The following EXOC4 variants were observed in gnomAD, a reference collection of about 807,000 sequenced individuals.
EXOC4 encodes the protein exocyst complex component 4.
Under a neutral mutation model 107.2 loss-of-function variants are expected in EXOC4, and 71 were observed. The ratio of observed to expected loss-of-function variants is 0.66; its 90% confidence interval spans 0.55 to 0.81. The LOEUF (loss-of-function observed/expected upper bound fraction) is 0.81. Among genes scored for constraint, EXOC4 ranks in the 30% least tolerant of loss-of-function variants. EXOC4 has a pLI of 0.00. For missense variants in EXOC4, 1,108 were observed against 1,189.6 expected (o/e 0.93, Z 1.01); for synonymous variants, 456 against 441.2 (o/e 1.03, Z -0.42).
chr7:133,402,208 A>G (rs1023575761), intron 7 of EXOC4, among the ~76,000 whole-genome samples: 2 of 152,246 alleles, frequency 1.3e-5, no homozygotes. Context: ...TGTATAGGAA[A>G]TTCTGAAGAT....
intron 10 of EXOC4, among the ~76,000 whole-genome samples, chr7:133,675,040 TAAG>T (rs886175526): frequency 5.3e-5 from 8 of 152,194 alleles, no homozygotes; most frequent in East Asian, 1.9e-4. Flanking sequence ...GCAATTCAAA[TAAG>T]AAAGTGTTCT....
At chr7:133,399,400 G>A (rs1471917053) in intron 7 of EXOC4, among the ~76,000 whole-genome samples, 1 of 152,088 alleles carries the variant, frequency 6.6e-6, no homozygotes, top group East Asian at 1.9e-4. Flanking sequence ...ACTTGTGTCA[G>A]GGAACAACAC....
intron 9 of EXOC4, among the ~76,000 whole-genome samples, chr7:133,502,853 T>A (rs1472282247): frequency 6.6e-6 from 1 of 152,186 alleles, no homozygotes; most frequent in Middle Eastern, 3.2e-3. Flanking sequence ...GAGCAGCAAA[T>A]CTTTTAATTC....
At chr7:133,687,668 G>A (rs1258275229) in intron 10 of EXOC4, among the ~76,000 whole-genome samples, 2 of 152,144 alleles carry the variant, frequency 1.3e-5, no homozygotes, top group African/African-American at 2.4e-5. Context: ...TTCCTTTGCA[G>A]TAATCACCAT....
At chr7:133,467,756 T>TTTTG (rs1554458341) in intron 7 of EXOC4, among the ~76,000 whole-genome samples, 7 of 151,996 alleles carry the variant, frequency 4.6e-5, no homozygotes, top group Non-Finnish European at 7.4e-5. Flanking sequence ...CTTCATTTTT[T>TTTTG]TTTGTTTGTT....
intron 5 of EXOC4, among the ~76,000 whole-genome samples, chr7:133,347,617 A>G (rs1356132664): frequency 1.3e-5 from 2 of 152,202 alleles, no homozygotes; most frequent in East Asian, 1.9e-4. Flanking sequence ...CAATCTTTTC[A>G]TGAGTCCCAG....
rs552296573 is a variant in EXOC4, at chr7:133,388,984, G to A, written c.1182+13982G>A. On this transcript the variant is annotated intron_variant, in intron 7 of 17. Transcript: ENST00000253861. Reference sequence around the variant, plus strand: ...TTTTGTCCTGTATCTTGGATCTGGCGCCTTGATCAGATTTAAGTTGATTTT... The same window carrying A: ...TTTTGTCCTGTATCTTGGATCTGGCACCTTGATCAGATTTAAGTTGATTTT... 2.0e-4 allele frequency among the ~76,000 whole-genome samples: 31 copies of A among 152,188 alleles called. No individual in the cohort carries two copies. The South Asian group carries it at 3.7e-3, about 18-fold the overall frequency.
chr7:133,644,095 G>A (rs887998445), intron 10 of EXOC4, among the ~76,000 whole-genome samples: 33 of 152,138 alleles, frequency 2.2e-4, no homozygotes, highest in African/African-American at 6.8e-4. Flanking sequence ...TTGATTGAGG[G>A]GCTTTGATTC....
At chr7:133,907,145 T>C (rs1337591245) in intron 12 of EXOC4, among the ~76,000 whole-genome samples, 2 of 152,184 alleles carry the variant, frequency 1.3e-5, no homozygotes, top group Non-Finnish European at 2.9e-5. Flanking sequence ...AGCTATGTTA[T>C]CTCCTAACAC....
intron 5 of EXOC4, among the ~76,000 whole-genome samples, 154 bp from the exon 6 acceptor site, chr7:133,356,176 T>A (rs1048837933): frequency 1.3e-5 from 2 of 152,226 alleles, no homozygotes; most frequent in South Asian, 2.1e-4. Flanking sequence ...TTTGTGACTT[T>A]TGGATGGTTA....
At chr7:133,422,430 A>G (rs1490157729) in intron 7 of EXOC4, among the ~76,000 whole-genome samples, 2 of 152,204 alleles carry the variant, frequency 1.3e-5, no homozygotes, top group Non-Finnish European at 2.9e-5. Flanking sequence ...TATACCTTAT[A>G]TTATACAATA....
At chr7:133,701,859 A>C (rs1585088961) in intron 10 of EXOC4, among the ~76,000 whole-genome samples, 1 of 152,176 alleles carries the variant, frequency 6.6e-6, no homozygotes, top group South Asian at 2.1e-4. Flanking sequence ...TTTTGCGCAT[A>C]TAACAAAGTT....
intron 9 of EXOC4, among the ~76,000 whole-genome samples, chr7:133,482,147 CTTT>C (rs930156297): frequency 1.3e-5 from 2 of 152,140 alleles, no homozygotes; most frequent in Non-Finnish European, 1.5e-5. Flanking sequence ...CTCCTTTCTT[CTTT>C]TTAGGTTGAG....
chr7:133,395,192 G>C (rs1203405077), intron 7 of EXOC4, among the ~76,000 whole-genome samples: 2 of 150,498 alleles, frequency 1.3e-5, no homozygotes, highest in African/African-American at 4.9e-5. Flanking sequence ...GCAACTTCCT[G>C]ATGTGAAATA....
At chr7:133,382,265 CT>C (rs1473331474) in intron 7 of EXOC4, among the ~76,000 whole-genome samples, 1 of 152,108 alleles carries the variant, frequency 6.6e-6, no homozygotes, top group Non-Finnish European at 1.5e-5. Flanking sequence ...ATTTCTAAAC[CT>C]TTTCAGAGTC....
At chr7:133,388,718 A>G (rs1327310951) in intron 7 of EXOC4, among the ~76,000 whole-genome samples, 1 of 152,188 alleles carries the variant, frequency 6.6e-6, no homozygotes, top group East Asian at 1.9e-4. Context: ...TCACATTTCC[A>G]GTTGTCTCAA....
At chr7:133,965,218 T>C (rs1206696587) in intron 14 of EXOC4, among the ~76,000 whole-genome samples, 2 of 152,254 alleles carry the variant, frequency 1.3e-5, no homozygotes, top group African/African-American at 4.8e-5. Context: ...CTTTGTAGAT[T>C]CTGGATATTA....
intron 17 of EXOC4, among the ~76,000 whole-genome samples, chr7:134,061,987 C>A (rs1796071353): frequency 1.3e-5 from 2 of 152,180 alleles, no homozygotes; most frequent in South Asian, 4.1e-4. Flanking sequence ...TCTCACACCC[C>A]TGGAAGTGGA....
At chr7:133,315,087 A>G (rs1223601037) in intron 4 of EXOC4, 2 of 152,838 alleles carry the variant, frequency 1.3e-5, no homozygotes, top group Non-Finnish European at 2.9e-5. Context: ...AGTCAGTACA[A>G]TGAAACCAAA....
Sources: gnomAD v4.1 joint callset for allele counts (sites outside exome capture counted in the v4.1 genomes callset) on GRCh38, gnomAD v4.1.1 for gene constraint, MANE v1.5 for transcripts, NCBI Gene and HGNC (gene_info 2026-07-23, HGNC 2026-07-21) for gene names.